Variants in VASH2 observed in about 807,000 individuals in gnomAD.
VASH2 encodes the protein tubulinyl-Tyr carboxypeptidase 2.
In VASH2, 28 loss-of-function variants were observed where a neutral mutation model predicts 37.2. That is an observed-to-expected ratio of 0.75 (90% confidence interval 0.56 to 1.03). The LOEUF (loss-of-function observed/expected upper bound fraction) is 1.03. Among genes scored for constraint, VASH2 ranks in the 50% least tolerant of loss-of-function variants. The pLI, the probability that VASH2 is intolerant of heterozygous loss-of-function variation, is 0.00. For missense variants in VASH2, 419 were observed against 459.1 expected (o/e 0.91, Z 0.80); for synonymous variants, 188 against 174.7 (o/e 1.08, Z -0.60).
At chr1:212,959,447 TCACACACA>T (rs60920030) in intron 2 of VASH2, among the ~76,000 whole-genome samples, 5 of 150,722 alleles carry the variant, frequency 3.3e-5, no homozygotes, top group African/African-American at 1.2e-4. Context: ...ACACGCACAT[TCACACACA>T]CACACACACA....
intron 2 of VASH2, among the ~76,000 whole-genome samples, chr1:212,952,112 C>A (rs1297789664): frequency 6.6e-6 from 1 of 152,200 alleles, no homozygotes; most frequent in Non-Finnish European, 1.5e-5. Flanking sequence ...CTCACCCCCA[C>A]ATACATCCTC....
In VASH2 at chr1:212,965,771, C is replaced by T; in HGVS notation, c.415C>T (p.Leu139=). 6.4e-7 allele frequency: 1 copy of T among 1,552,180 alleles called. No homozygotes were observed. Among genetic ancestry groups the T allele is most frequent in the Non-Finnish European group, 8.7e-7 (1 of 1,146,962 alleles). The change falls in exon 4 of 8, where the codon CTG becomes TTG. Residue 139 remains leucine (L), a synonymous_variant. Transcript: ENST00000517399. Reference sequence around the variant, plus strand: ...CTTTGAAATTAGGAAAATGAGACCGCTGAGTGGGTAAGTGGTGCATGATCT... The same window carrying T: ...CTTTGAAATTAGGAAAATGAGACCGTTGAGTGGGTAAGTGGTGCATGATCT... The part of the protein sequence containing the change: ...QFFEIRKMRP[L]SGLMETAKEM...
chr1:212,967,760 T>A (rs1199159595), intron 5 of VASH2: 1 of 154,744 alleles, frequency 6.5e-6, no homozygotes, highest in Non-Finnish European at 1.4e-5. Context: ...TTTTAAGAGC[T>A]ATCAAGGAGA....
intron 5 of VASH2, chr1:212,967,880 TGA>T (rs1271033961): frequency 6.5e-6 from 1 of 153,248 alleles, no homozygotes; most frequent in Non-Finnish European, 1.5e-5. Context: ...GCTGGAGGAA[TGA>T]GAGTGGCAGA....
intron 3 of VASH2, 198 bp downstream of exon 3, chr1:212,961,452 G>A: frequency 8.1e-7 from 1 of 1,240,134 alleles, no homozygotes; most frequent in Non-Finnish European, 1.1e-6. Context: ...AGTAGGGCAG[G>A]CTGGTTCCCC....
chr1:212,976,580 A>AAT (rs1553275822), intron 7 of VASH2, among the ~76,000 whole-genome samples: 2 of 151,374 alleles, frequency 1.3e-5, no homozygotes, highest in Non-Finnish European at 2.9e-5. Context: ...AAAAAAAAAA[A>AAT]TGGTGACGAC....
In VASH2 at chr1:212,988,779, GAAGT is replaced by G. The variant is rs2075825380; in HGVS notation, c.*198_*201del. The G allele has an allele frequency of 3.1e-5, 19 of 603,326 alleles. 1 individual carries two copies. The highest frequency in any genetic ancestry group is 1.9e-4 in the South Asian group (10 of 51,416). 37.4% of individuals were successfully genotyped at this position (603,326 alleles called of 1,614,324 possible). ...CACTAAAAGGCACCATGAAAAGGCTGAAGTAATAAGCCCCACTGGGGTTGGACTA... is the reference window on the plus strand; with the variant it reads ...CACTAAAAGGCACCATGAAAAGGCTGAATAAGCCCCACTGGGGTTGGACTA... On this transcript the variant is annotated 3_prime_UTR_variant, in exon 8 of 8. Coordinates refer to ENST00000517399, the MANE Select transcript of VASH2 (RefSeq NM_001301056.2).
At chr1:212,968,894 A>G in intron 5 of VASH2, 1 of 985,328 alleles carries the variant, frequency 1.0e-6, no homozygotes, top group Non-Finnish European at 1.2e-6. Flanking sequence ...GTGCCTCTGG[A>G]TTTAGGTCAT....
rs964533897 is a variant in VASH2 at position 212,967,316 on chromosome 1, C to T, written c.497+971C>T. 2.3e-5 allele frequency: 29 copies of T among 1,238,268 alleles called. No individual in the cohort carries two copies. The African/African-American group carries it at 4.3e-4, about 18-fold the overall frequency. The allele number at this position is 1,238,268 out of a possible 1,614,324, so 76.7% of individuals were successfully genotyped here. On this transcript the variant is annotated intron_variant, in intron 5 of 7. Transcript: ENST00000517399. ...CATTCGAGCATCATGCCATTGGAAT[C>T]ACCCACAACCCTTTGAAATTGTGGG...
At chr1:212,955,064 T>C (rs1666442043) in intron 2 of VASH2, among the ~76,000 whole-genome samples, 1 of 152,228 alleles carries the variant, frequency 6.6e-6, no homozygotes, top group South Asian at 2.1e-4. Context: ...CTCTTTCCTC[T>C]GGGGTCAAGT....
chr1:212,975,516 G>A (rs571233571), intron 7 of VASH2, among the ~76,000 whole-genome samples: 6 of 152,312 alleles, frequency 3.9e-5, no homozygotes, highest in Admixed American at 2.0e-4. Flanking sequence ...AATCCTCCCC[G>A]TGATGCTGGC....
At chr1:212,988,161 C>T (rs1558155007) in intron 7 of VASH2, among the ~76,000 whole-genome samples, 1 of 152,176 alleles carries the variant, frequency 6.6e-6, no homozygotes, top group South Asian at 2.1e-4. Context: ...AGATTCTTGG[C>T]TCTACTGTAG....
In VASH2 at chr1:212,971,133, C is replaced by T. The variant is rs2102642757; in HGVS notation, c.498-1447C>T. ...TTCTGCACATTGCAGAATTTCCCTC[C>T]CTTATGAGGCTGAATAAATTCTATT... On this transcript the variant is annotated intron_variant, in intron 5 of 7. Transcript: ENST00000517399. The surrounding 1 kb of genome is among the most constrained non-coding windows in gnomAD (Gnocchi z 4.0). Among the ~76,000 whole-genome samples, 1 of 152,286 alleles carries T rather than the reference C, an allele frequency of 6.6e-6. No individual in the cohort carries two copies. Among genetic ancestry groups the T allele is most frequent in the South Asian group, 2.1e-4 (1 of 4,822 alleles).
At chr1:212,960,203 C>T (rs1011366366) in intron 2 of VASH2, among the ~76,000 whole-genome samples, 50 of 152,186 alleles carry the variant, frequency 3.3e-4, no homozygotes, top group Admixed American at 3.0e-3. Flanking sequence ...GAAGTGGGAC[C>T]TGCTTCCCCC....
At chr1:212,982,603 G>A (rs1183317430) in intron 7 of VASH2, among the ~76,000 whole-genome samples, 1 of 152,216 alleles carries the variant, frequency 6.6e-6, no homozygotes, top group Non-Finnish European at 1.5e-5. Context: ...AGCTGGCAAG[G>A]ACTGAATGAC....
intron 5 of VASH2, among the ~76,000 whole-genome samples, chr1:212,970,338 A>T (rs1037467242): frequency 5.9e-5 from 9 of 152,144 alleles, no homozygotes; most frequent in African/African-American, 2.2e-4. Context: ...TCGTGACATG[A>T]GGGACTGGTG....
chr1:212,961,688 C>T (rs975411992), intron 3 of VASH2, among the ~76,000 whole-genome samples: 10 of 152,326 alleles, frequency 6.6e-5, no homozygotes, highest in African/African-American at 1.9e-4. Flanking sequence ...CTGAAACCTC[C>T]ACCTCCTGGG....
intron 7 of VASH2, among the ~76,000 whole-genome samples, chr1:212,986,031 G>A (rs921583290): frequency 7.9e-5 from 12 of 152,154 alleles, no homozygotes; most frequent in Non-Finnish European, 1.3e-4. Context: ...ACTAATAGAC[G>A]CTGCTGCACA....
At position 212,973,422 on chromosome 1, in the gene VASH2, A is replaced by G. The variant is rs778679249; in HGVS notation, c.879+461A>G. ...GATTCCCGCTTGTCCATGTCCCTCC[A>G]GGGCTTGTGCAGTCACTAAGAGAAA... On this transcript the variant is annotated intron_variant, in intron 6 of 7. Coordinates refer to ENST00000517399, the MANE Select transcript of VASH2 (RefSeq NM_001301056.2). 21 of 1,291,380 alleles carry G rather than the reference A, an allele frequency of 1.6e-5. No homozygotes were observed. The South Asian group carries it at 2.5e-4, about 15-fold the overall frequency. 80.0% of individuals were successfully genotyped at this position (1,291,380 alleles called of 1,614,324 possible).
Sources: allele counts gnomAD v4.1 joint callset (sites outside exome capture counted in the v4.1 genomes callset), GRCh38; gene constraint gnomAD v4.1.1; non-coding constraint Gnocchi (gnomAD v3.1); transcripts MANE v1.5; gene names NCBI Gene and HGNC (gene_info 2026-07-23, HGNC 2026-07-21).